Variants in PLAG1 observed in about 807,000 individuals in gnomAD.
PLAG1 encodes zinc finger protein PLAG1.
PLAG1 carries 7 observed loss-of-function variants against 35.5 expected under a neutral mutation model. The observed-to-expected ratio is 0.20, with a 90% CI of 0.11 to 0.37. The LOEUF (loss-of-function observed/expected upper bound fraction) is 0.37, where lower values mean the gene tolerates loss of function less well. Among genes scored for constraint, PLAG1 ranks in the 10% least tolerant of loss-of-function variants. PLAG1 has a pLI of 1.00. For missense variants in PLAG1, 454 were observed against 602.8 expected, an observed-to-expected ratio of 0.75 and a Z score of 2.58; for synonymous variants, 229 against 225.4, an observed-to-expected ratio of 1.02 and a Z score of -0.14.
At chr8:56,189,454 G>A (rs1812118388) in intron 1 of PLAG1, among the ~76,000 whole-genome samples, 1 of 152,076 alleles carries the variant, frequency 6.6e-6, no homozygotes. Context: ...CCGGGTAAGG[G>A]ATATAAGAAC....
chr8:56,176,777 G>GT (rs1391022076), intron 2 of PLAG1, among the ~76,000 whole-genome samples: 1 of 152,002 alleles, frequency 6.6e-6, no homozygotes, highest in African/African-American at 2.4e-5. Context: ...CCAAATTGTG[G>GT]TAAGTTATTG....
At chr8:56,199,969 G>T (rs1812502328) in intron 1 of PLAG1, among the ~76,000 whole-genome samples, 1 of 152,178 alleles carries the variant, frequency 6.6e-6, no homozygotes, top group South Asian at 2.1e-4. Context: ...GAACCTCAGT[G>T]GGTACCCTCT....
At position 56,163,329 on chromosome 8, in the gene PLAG1, A is replaced by G; in HGVS notation, c.*2914T>C. 5.4e-6 allele frequency: 1 copy of G among 184,036 alleles called. No homozygotes were observed. Among genetic ancestry groups the G allele is most frequent in the Non-Finnish European group, 1.1e-5 (1 of 90,412 alleles). 11.4% of individuals were successfully genotyped at this position (184,036 alleles called of 1,614,324 possible). A position where few individuals can be genotyped will look rare whatever the true frequency, so the allele number is the denominator to read the frequency against. Reference sequence around the variant, plus strand: ...ATTGGCAATACTTATTTTTAATCATATCTAGTTGACATAGAAACAAACAAT... The same window carrying G: ...ATTGGCAATACTTATTTTTAATCATGTCTAGTTGACATAGAAACAAACAAT... On this transcript the variant is annotated 3_prime_UTR_variant, in exon 5 of 5. Coordinates refer to ENST00000316981, the MANE Select transcript of PLAG1 (RefSeq NM_002655.3).
At chr8:56,178,451 T>C (rs1212246271) in intron 2 of PLAG1, among the ~76,000 whole-genome samples, 1 of 152,224 alleles carries the variant, frequency 6.6e-6, no homozygotes, top group African/African-American at 2.4e-5. Context: ...TTTTATAGTA[T>C]ACAGATAGCT....
At chr8:56,169,328 T>A (rs1285410119) in intron 3 of PLAG1, among the ~76,000 whole-genome samples, 1 of 152,212 alleles carries the variant, frequency 6.6e-6, no homozygotes, top group Non-Finnish European at 1.5e-5. Context: ...TGTCAGAGTT[T>A]CAATGTGTTA....
At chr8:56,205,345 TA>T (rs926438120) in intron 1 of PLAG1, among the ~76,000 whole-genome samples, 8 of 151,822 alleles carry the variant, frequency 5.3e-5, no homozygotes, top group Admixed American at 2.6e-4. Context: ...TTTTCTTATT[TA>T]AAAAAAATTC....
chr8:56,203,823 A>G (rs933085931), intron 1 of PLAG1, among the ~76,000 whole-genome samples: 3 of 152,070 alleles, frequency 2.0e-5, no homozygotes, highest in Non-Finnish European at 4.4e-5. Context: ...ACATTAGAAG[A>G]GAAAAATCTA....
rs1811209361 is a variant in PLAG1, at chr8:56,161,785, G to C, written c.*4458C>G. ...GTTTGTAGCACCATGAAGAGTTGTA[G>C]CCCAAGTTACATTAGCAGCATGATC... On this transcript the variant is annotated 3_prime_UTR_variant, in exon 5 of 5. Coordinates refer to ENST00000316981, the MANE Select transcript of PLAG1 (RefSeq NM_002655.3). The C allele has an allele frequency of 4.3e-6, 1 of 230,152 alleles. No homozygotes were observed. The highest frequency in any genetic ancestry group is 8.6e-6 in the Non-Finnish European group (1 of 115,882). The allele number at this position is 230,152 out of a possible 1,614,324, so 14.3% of individuals were successfully genotyped here.
At chr8:56,196,075 G>T (rs1207316100) in intron 1 of PLAG1, among the ~76,000 whole-genome samples, 1 of 152,194 alleles carries the variant, frequency 6.6e-6, no homozygotes, top group Non-Finnish European at 1.5e-5. Context: ...ACCAGAGTTG[G>T]CCAGAAAGGT....
chr8:56,176,119 G>T (rs995999932), intron 2 of PLAG1, among the ~76,000 whole-genome samples: 1 of 146,704 alleles, frequency 6.8e-6, no homozygotes, highest in Non-Finnish European at 1.5e-5. Flanking sequence ...GTGCAATCTC[G>T]GCTCACTGAA....
At chr8:56,187,109 C>T (rs1244117192) in intron 1 of PLAG1, among the ~76,000 whole-genome samples, 4 of 152,132 alleles carry the variant, frequency 2.6e-5, no homozygotes, top group South Asian at 2.1e-4. Flanking sequence ...ATGCAAAGTC[C>T]CAGCCTCCTC....
At chr8:56,185,306 G>A (rs532598015) in intron 1 of PLAG1, among the ~76,000 whole-genome samples, 52 of 152,200 alleles carry the variant, frequency 3.4e-4, no homozygotes, top group East Asian at 1.2e-3. Context: ...TTTCAGGGAC[G>A]TATGCATATA....
chr8:56,187,459 T>C (rs1421249890), intron 1 of PLAG1, among the ~76,000 whole-genome samples: 3 of 152,176 alleles, frequency 2.0e-5, no homozygotes, highest in Admixed American at 2.0e-4. Flanking sequence ...CTACTTTCAA[T>C]GATGTATTTA....
chr8:56,179,966 G>A (rs192140032), intron 1 of PLAG1, among the ~76,000 whole-genome samples: 3 of 152,038 alleles, frequency 2.0e-5, no homozygotes. Flanking sequence ...ACAGAGAAGG[G>A]TGCAAGCCAC....
chr8:56,169,544 C>G (rs1467197418), intron 3 of PLAG1, among the ~76,000 whole-genome samples: 1 of 151,980 alleles, frequency 6.6e-6, no homozygotes, highest in Non-Finnish European at 1.5e-5. Context: ...GAGTGATGTA[C>G]TTATTTTCTT....
At chr8:56,196,954 G>A (rs1445197021) in intron 1 of PLAG1, among the ~76,000 whole-genome samples, 1 of 104,362 alleles carries the variant, frequency 9.6e-6, no homozygotes, top group African/African-American at 2.9e-5. Flanking sequence ...TAGTGTGCGT[G>A]TGTGTGTGTG....
intron 2 of PLAG1, among the ~76,000 whole-genome samples, chr8:56,178,911 C>A: frequency 6.7e-6 from 1 of 148,960 alleles, no homozygotes; most frequent in East Asian, 2.0e-4. Context: ...ACAATGCTGG[C>A]AAATTGCTAT....
At chr8:56,205,296 C>T (rs1198669673) in intron 1 of PLAG1, among the ~76,000 whole-genome samples, 2 of 151,756 alleles carry the variant, frequency 1.3e-5, no homozygotes, top group Non-Finnish European at 3.0e-5. Context: ...ACATTCAAAA[C>T]AATCTTCAAA....
chr8:56,195,854 G>A (rs1812346432), intron 1 of PLAG1, among the ~76,000 whole-genome samples: 1 of 152,152 alleles, frequency 6.6e-6, no homozygotes, highest in Non-Finnish European at 1.5e-5. Flanking sequence ...GGCAACACAA[G>A]TCTCTCCTTT....
Sources: gnomAD v4.1 joint callset for allele counts (sites outside exome capture counted in the v4.1 genomes callset) on GRCh38, gnomAD v4.1.1 for gene constraint, MANE v1.5 for transcripts, NCBI Gene and HGNC (gene_info 2026-07-23, HGNC 2026-07-21) for gene names.